ZFYVE26: variants seen among roughly 807,000 people sequenced by gnomAD.
ZFYVE26 encodes zinc finger FYVE domain-containing protein 26.
Under a neutral mutation model 276.5 loss-of-function variants are expected in ZFYVE26, and 181 were observed. The ratio of observed to expected loss-of-function variants is 0.65; its 90% CI spans 0.58 to 0.74. ZFYVE26 has a LOEUF of 0.74. ZFYVE26 is among the 30% of genes least tolerant of loss of function. ZFYVE26 has a pLI of 0.00. For missense variants in ZFYVE26, 2,821 were observed against 3,097.9 expected, an observed-to-expected ratio of 0.91 and a Z score of 2.12; for synonymous variants, 1,129 against 1,203.1, an observed-to-expected ratio of 0.94 and a Z score of 1.27.
At chr14:67,761,810 C>G in intron 34 of ZFYVE26, 1 of 590,080 alleles carries the variant, frequency 1.7e-6, no homozygotes, top group Non-Finnish European at 3.0e-6. Context: ...GAAAAATGTT[C>G]ATAATTTTTC....
At position 67,755,086 on chromosome 14, in the gene ZFYVE26, G is replaced by T. The variant is rs766613611; in HGVS notation, c.6951C>A (p.Phe2317Leu). 6.2e-7 allele frequency: 1 copy of T among 1,614,154 alleles called. No individual in the cohort carries two copies. The highest frequency in any genetic ancestry group is 2.2e-5 in the East Asian group (1 of 44,884). ...CAGCTGCAGTCATCTTCTTTCTGAAGAATGTGGTTTTCTTCCTTCCAGAGC... is the reference window on the plus strand; with the variant it reads ...CAGCTGCAGTCATCTTCTTTCTGAATAATGTGGTTTTCTTCCTTCCAGAGC... ...SRSSGRKKTT[F>L]FRKKMTAADV... Residue 2317 changes from phenylalanine (F) to leucine (L), a missense_variant, in exon 37 of 42, where the codon TTC becomes TTA. Coordinates refer to ENST00000347230, the MANE Select transcript of ZFYVE26 (RefSeq NM_015346.4).
intron 36 of ZFYVE26, 144 bp downstream of exon 36, chr14:67,755,804 G>A (rs2038764077): frequency 1.1e-6 from 1 of 931,532 alleles, no homozygotes; most frequent in Non-Finnish European, 1.7e-6. Context: ...AACAATACTG[G>A]AGAGCAACAT....
chr14:67,812,124 T>G (rs542755168), intron 3 of ZFYVE26, among the ~76,000 whole-genome samples: 40 of 152,232 alleles, frequency 2.6e-4, no homozygotes, highest in Middle Eastern at 3.4e-3. Flanking sequence ...CAGCAGACCA[T>G]GAACACTCTA....
chr14:67,804,224 C>T lies in ZFYVE26; in HGVS notation c.1312G>A (p.Gly438Ser), dbSNP rs912211123. 1.6e-5 allele frequency: 26 copies of T among 1,613,696 alleles called. No homozygotes were observed. The highest frequency in any genetic ancestry group is 1.6e-4 in the Middle Eastern group (1 of 6,084). ...PKRDLLYHLH[G>S]GDSHSVLYTL... The stretch of plus-strand genomic sequence containing the variant: ...TAGAGCACTGAGTGGCTGTCTCCAC[C>T]GTGTAAATGATACAACAGATCTCTC... The change falls in exon 9 of 42, where the codon GGT becomes AGT. Residue 438 changes from glycine to serine, a missense_variant. Coordinates refer to ENST00000347230, the MANE Select transcript of ZFYVE26 (RefSeq NM_015346.4).
chr14:67,795,047 A>C (rs563447510), intron 12 of ZFYVE26, among the ~76,000 whole-genome samples: 2 of 152,304 alleles, frequency 1.3e-5, no homozygotes, highest in South Asian at 2.1e-4. Flanking sequence ...TCTCAACACC[A>C]GGCTTCCTAA....
rs751229185 is a variant in ZFYVE26, at chr14:67,756,157, C to T, written c.6589-12G>A. ...TCTGGAGGACTCTCCTGGAGCAGGGCAGGGCGAGAAGTCAGAAGTCTTGAG... is the reference window on the plus strand; with the variant it reads ...TCTGGAGGACTCTCCTGGAGCAGGGTAGGGCGAGAAGTCAGAAGTCTTGAG... On this transcript the variant is annotated splice_polypyrimidine_tract_variant and intron_variant, in intron 35 of 41. Transcript: ENST00000347230. 6.2e-7 allele frequency: 1 copy of T among 1,614,006 alleles called. No homozygotes were observed. Among genetic ancestry groups the T allele is most frequent in the East Asian group, 2.2e-5 (1 of 44,888 alleles).
intron 35 of ZFYVE26, among the ~76,000 whole-genome samples, chr14:67,757,140 C>T (rs992633748): frequency 6.6e-6 from 1 of 152,222 alleles, no homozygotes; most frequent in Admixed American, 6.5e-5. Flanking sequence ...GGATCCCTGC[C>T]ATCATCGTTT....
rs2039614926 is a variant in ZFYVE26, at chr14:67,785,152, A to AT, written c.3429dup (p.Ser1144IlefsTer30). On this transcript the variant is annotated frameshift_variant, in exon 19 of 42. Transcript: ENST00000347230. LOFTEE classifies it high-confidence loss of function. ...AAGTAGTCCATCTGCCTGCTGCCTG[A>AT]TGGGGTCTGTTTGCCCAGGTTCTTC... The AT allele has an allele frequency of 6.2e-7, 1 of 1,614,070 alleles. No individual in the cohort carries two copies. Among genetic ancestry groups the AT allele is most frequent in the Non-Finnish European group, 8.5e-7 (1 of 1,180,042 alleles).
chr14:67,810,719 T>C (rs2040282156), intron 3 of ZFYVE26, among the ~76,000 whole-genome samples: 1 of 152,166 alleles, frequency 6.6e-6, no homozygotes, highest in Non-Finnish European at 1.5e-5. Flanking sequence ...TCTCCCCTTT[T>C]CCAGACACAA....
At chr14:67,763,101 C>T (rs1310154977) in intron 32 of ZFYVE26, among the ~76,000 whole-genome samples, 3 of 152,194 alleles carry the variant, frequency 2.0e-5, no homozygotes, top group African/African-American at 7.2e-5. Flanking sequence ...GACAGGGCTT[C>T]ACCACGTTGG....
At chr14:67,814,974 C>T (rs2040372960) in intron 2 of ZFYVE26, among the ~76,000 whole-genome samples, 1 of 152,148 alleles carries the variant, frequency 6.6e-6, no homozygotes, top group Non-Finnish European at 1.5e-5. Context: ...CCTACATCAC[C>T]AGTGGTTACT....
Position 67,790,610 on chromosome 14 carries a change from C to A in ZFYVE26, c.2717G>T (p.Arg906Leu), listed in dbSNP as rs759513333. ...GCTGCCAATGGCCTGTAGAGTTGAG[C>A]GGCCACTGCCAGTTCTCCGAATGGT... is the stretch of plus-strand genomic sequence containing the variant. ...SSTIRRTGSG[R>L]STLQAIGSAA... Residue 906 changes from arginine (R) to leucine (L), a missense_variant, in exon 15 of 42, where the codon CGC (arginine) becomes CTC (leucine). Physicochemically the swap from Arg to Leu is moderately radical, Grantham distance 102 (BLOSUM62 -2). Transcript: ENST00000347230. The A allele has an allele frequency of 1.7e-5, 28 of 1,614,024 alleles. No homozygotes were observed. The South Asian group carries it at 3.0e-4, about 17-fold the overall frequency.
At chr14:67,762,145 C>G (rs1345697224) in intron 34 of ZFYVE26, 58 bp downstream of exon 34, 14 of 1,550,992 alleles carry the variant, frequency 9.0e-6, no homozygotes, top group Non-Finnish European at 1.2e-5. Flanking sequence ...TTTCCCAGGT[C>G]ATTGCTATTC....
At chr14:67,737,869 C>T (rs114967811) in intron 13 of ZFYVE26, among the ~76,000 whole-genome samples, 2,294 of 152,198 alleles carry the variant, frequency 0.015, 42 homozygotes, top group African/African-American at 0.043. Context: ...AACTTATTAT[C>T]ATATAAAGAA....
intron 13 of ZFYVE26, among the ~76,000 whole-genome samples, chr14:67,736,604 A>G (rs947642890): frequency 5.9e-5 from 9 of 152,234 alleles, no homozygotes; most frequent in African/African-American, 1.7e-4. Context: ...TAAGACATGA[A>G]AAGCAAAAAG....
chr14:67,803,884 T>A (rs1166243227), intron 9 of ZFYVE26, among the ~76,000 whole-genome samples: 1 of 152,094 alleles, frequency 6.6e-6, no homozygotes, highest in Non-Finnish European at 1.5e-5. Flanking sequence ...GAATGCAGGA[T>A]CATACTCACA....
chr14:67,746,268 A>G (rs1421330076), downstream of ZFYVE26, among the ~76,000 whole-genome samples: 28 of 149,968 alleles, frequency 1.9e-4, no homozygotes, highest in Admixed American at 1.9e-3. Context: ...TTATAAACGT[A>G]TTACCTATCT....
In ZFYVE26 at chr14:67,766,463, G is replaced by A; in HGVS notation, c.5791-16C>T. ...CGCTGGGGGCCTGGCCGGGGTGGAA[G>A]AAGGGAGAACACACGGTGAGTCCAG... On this transcript the variant is annotated splice_polypyrimidine_tract_variant and intron_variant, in intron 31 of 41. Coordinates refer to ENST00000347230, the MANE Select transcript of ZFYVE26 (RefSeq NM_015346.4). 6.2e-7 allele frequency: 1 copy of A among 1,611,510 alleles called. No homozygotes were observed. Among genetic ancestry groups the A allele is most frequent in the Non-Finnish European group, 8.5e-7 (1 of 1,179,376 alleles).
chr14:67,750,585 G>T (rs2038610074), intron 41 of ZFYVE26: 1 of 214,828 alleles, frequency 4.7e-6, no homozygotes, highest in Non-Finnish European at 9.5e-6. Context: ...CCTGAGGAGA[G>T]GTTCATTCTG....
Sources: gnomAD v4.1 joint callset for allele counts (sites outside exome capture counted in the v4.1 genomes callset) on GRCh38, gnomAD v4.1.1 for gene constraint, MANE v1.5 for transcripts, NCBI Gene and HGNC (gene_info 2026-07-23, HGNC 2026-07-21) for gene names.